The following RPGRIP1L variants were observed in gnomAD, a reference collection of about 807,000 sequenced individuals.
RPGRIP1L encodes protein fantom.
Under a neutral mutation model 160.4 loss-of-function variants are expected in RPGRIP1L, and 131 were observed. The observed-to-expected ratio is 0.82, with a 90% CI of 0.71 to 0.94. The LOEUF (loss-of-function observed/expected upper bound fraction) is 0.94, where lower values mean the gene tolerates loss of function less well. RPGRIP1L is among the 40% of genes least tolerant of loss of function. The probability of loss-of-function intolerance (pLI) is 0.00; values close to 1 mark genes in which losing one functional copy is unlikely to be tolerated. For missense variants in RPGRIP1L, 1,522 were observed against 1,535.8 expected, an observed-to-expected ratio of 0.99 and a Z score of 0.15; for synonymous variants, 510 against 515.8, an observed-to-expected ratio of 0.99 and a Z score of 0.15.
chr16:53,642,843 T>C (rs1437785368), intron 17 of RPGRIP1L, among the ~76,000 whole-genome samples: 1 of 152,290 alleles, frequency 6.6e-6, no homozygotes, highest in African/African-American at 2.4e-5. Flanking sequence ...GATAATTTCA[T>C]GCCCAGAGGC....
chr16:53,701,677 G>A (rs900033468), intron 1 of RPGRIP1L: 1 of 151,836 alleles, frequency 6.6e-6, no homozygotes, highest in African/African-American at 2.4e-5. Context: ...AAGCTTCATT[G>A]TCTTGTTCAG....
At chr16:53,701,199 A>G (rs115229888) in intron 1 of RPGRIP1L, among the ~76,000 whole-genome samples, 1,672 of 152,306 alleles carry the variant, frequency 0.011, 28 homozygotes, top group African/African-American at 0.037. Flanking sequence ...GGATGAGTAA[A>G]TTAAAAGCAC....
At chr16:53,610,758 A>T (rs569922784) in intron 25 of RPGRIP1L, among the ~76,000 whole-genome samples, 5 of 152,328 alleles carry the variant, frequency 3.3e-5, no homozygotes, top group South Asian at 2.1e-4. Flanking sequence ...CTATAGGATC[A>T]TTACAATTAC....
chr16:53,611,832 A>G (rs149965511), intron 24 of RPGRIP1L, among the ~76,000 whole-genome samples: 4 of 152,346 alleles, frequency 2.6e-5, no homozygotes, highest in African/African-American at 9.6e-5. Flanking sequence ...ACTTTCAGCC[A>G]TGCATCAGCT....
intron 4 of RPGRIP1L, among the ~76,000 whole-genome samples, chr16:53,689,206 T>C (rs1040596559): frequency 6.6e-6 from 1 of 152,058 alleles, no homozygotes; most frequent in African/African-American, 2.4e-5. Flanking sequence ...TCAGGGTATT[T>C]AGGATATCCA....
rs1970020650 is a variant in RPGRIP1L at position 53,686,462 on chromosome 16, C to G, written c.747G>C (p.Gln249His). The G allele has an allele frequency of 1.2e-6, 2 of 1,613,404 alleles. No individual in the cohort carries two copies. Among genetic ancestry groups the G allele is most frequent in the African/African-American group, 1.3e-5 (1 of 74,874 alleles). The change falls in exon 6 of 27, where the codon CAG becomes CAC. Residue 249 changes from glutamine (Q) to histidine (H), a missense_variant. Transcript: ENST00000647211. Reference sequence around the variant, plus strand: ...GATCTGTAGCTTGCTGTTCTCGAAGCTGAAGAAGAGATAACTCAATTTCAT... The same window carrying G: ...GATCTGTAGCTTGCTGTTCTCGAAGGTGAAGAAGAGATAACTCAATTTCAT... ...KENEIELSLL[Q>H]LREQQATDQR...
At chr16:53,626,066 T>C (rs895580238) in intron 22 of RPGRIP1L, among the ~76,000 whole-genome samples, 3 of 149,124 alleles carry the variant, frequency 2.0e-5, no homozygotes, top group African/African-American at 7.5e-5. Flanking sequence ...GTTTATCTGC[T>C]GACCTTCTCT....
chr16:53,624,767 C>T (rs1198183840), intron 22 of RPGRIP1L, among the ~76,000 whole-genome samples: 1 of 143,112 alleles, frequency 7.0e-6, no homozygotes, highest in Non-Finnish European at 1.5e-5. Flanking sequence ...CCCTCCCCCT[C>T]CCCCTCCCCC....
chr16:53,703,701 C>T, intron 1 of RPGRIP1L, 102 bp downstream of exon 1: 1 of 246,546 alleles, frequency 4.1e-6, no homozygotes, highest in Non-Finnish European at 8.2e-6. Flanking sequence ...AGGGCCTTCT[C>T]CAGGCGGCAG....
Position 53,610,868 on chromosome 16 carries a change from G to A in RPGRIP1L, c.3701+99C>T, listed in dbSNP as rs1246833036. Reference sequence around the variant, plus strand: ...ACAGAGTGAGTCAGAGAACCCCGATGTTCGGCTTCCTCATCTTGTGCCTTT... The same window carrying A: ...ACAGAGTGAGTCAGAGAACCCCGATATTCGGCTTCCTCATCTTGTGCCTTT... On this transcript the variant is annotated intron_variant, in intron 25 of 26. Transcript: ENST00000647211. The A allele has an allele frequency of 3.1e-6, 3 of 967,404 alleles. No homozygotes were observed. The African/African-American group carries it at 4.8e-5, about 15-fold the overall frequency. 59.9% of individuals were successfully genotyped at this position (967,404 alleles called of 1,614,324 possible).
rs1282363642 is a variant in RPGRIP1L at position 53,638,356 on chromosome 16, A to G, written c.3014T>C (p.Ile1005Thr). 6.2e-7 allele frequency: 1 copy of G among 1,600,356 alleles called. No individual in the cohort carries two copies. The highest frequency in any genetic ancestry group is 1.7e-5 in the Admixed American group (1 of 59,924). ...RKEISPEVEH[I>T]PEIEINMLTV... ...CAGCATATTAATTTCTATTTCTGGTATATGCTCTACCTCTGGTGAAATTTC... is the reference window on the plus strand; with the variant it reads ...CAGCATATTAATTTCTATTTCTGGTGTATGCTCTACCTCTGGTGAAATTTC... Residue 1005 changes from isoleucine to threonine, a missense_variant, in exon 20 of 27, where the codon ATA becomes ACA. Ile to Thr is a moderately conservative substitution (Grantham distance 89). Coordinates refer to ENST00000647211, the MANE Select transcript of RPGRIP1L (RefSeq NM_015272.5).
chr16:53,671,922 T>C (rs889042818), intron 8 of RPGRIP1L, among the ~76,000 whole-genome samples: 1 of 152,162 alleles, frequency 6.6e-6, no homozygotes, highest in Non-Finnish European at 1.5e-5. Flanking sequence ...CCATGATAAC[T>C]TCTGTCATTA....
At chr16:53,640,973 T>C (rs1966176852) in intron 19 of RPGRIP1L, 60 bp downstream of exon 19, 1 of 1,177,746 alleles carries the variant, frequency 8.5e-7, no homozygotes, top group East Asian at 2.5e-5. Context: ...AATATGCCTA[T>C]ATAATTTATT....
intron 22 of RPGRIP1L, among the ~76,000 whole-genome samples, chr16:53,623,765 A>C (rs1964893326): frequency 6.6e-6 from 1 of 151,956 alleles, no homozygotes; most frequent in Non-Finnish European, 1.5e-5. Context: ...CTGTCTATAG[A>C]CTCTGGGCTT....
intron 6 of RPGRIP1L, among the ~76,000 whole-genome samples, chr16:53,676,961 A>C (rs10852520): frequency 0.21 from 32,576 of 152,098 alleles, 4,860 homozygotes; most frequent in East Asian, 0.44. Context: ...TAAGAAAATT[A>C]AGATATATTT....
chr16:53,602,057 G>T lies in RPGRIP1L; in HGVS notation c.*19C>A. On this transcript the variant is annotated 3_prime_UTR_variant, in exon 27 of 27. Transcript: ENST00000647211. ...GAGCATTTACTGAGGAGTAGGAGAT[G>T]CCTCTGGAGCATTTGCTTTCAAGCC... 2 of 1,404,804 alleles carry T rather than the reference G, an allele frequency of 1.4e-6. No individual in the cohort carries two copies. The highest frequency in any genetic ancestry group is 2.0e-6 in the Non-Finnish European group (2 of 991,300). 87.0% of individuals were successfully genotyped at this position (1,404,804 alleles called of 1,614,324 possible).
At chr16:53,701,813 C>T (rs1330062597) in intron 1 of RPGRIP1L, 1 of 151,772 alleles carries the variant, frequency 6.6e-6, no homozygotes, top group Non-Finnish European at 1.5e-5. Flanking sequence ...AGATGGTTTA[C>T]CAAATTTTGT....
Position 53,692,134 on chromosome 16 carries a change from T to A in RPGRIP1L, c.461A>T (p.Gln154Leu), listed in dbSNP as rs1252193112. 4 of 1,614,164 alleles carry A rather than the reference T, an allele frequency of 2.5e-6. No individual in the cohort carries two copies. Among genetic ancestry groups the A allele is most frequent in the Non-Finnish European group, 3.4e-6 (4 of 1,180,026 alleles). The change falls in exon 4 of 27, where the codon CAA (glutamine) becomes CTA (leucine). Residue 154 changes from glutamine to leucine, a missense_variant. Physicochemically the swap from Gln to Leu is moderately radical, Grantham distance 113 (BLOSUM62 -2). Transcript: ENST00000647211. Reference sequence around the variant, plus strand: ...TCTACGCCCAGTGTTAATACGAGATTGTACATTATTGTATGGAGTTTGCCT... The same window carrying A: ...TCTACGCCCAGTGTTAATACGAGATAGTACATTATTGTATGGAGTTTGCCT... Reference protein sequence around the residue: ...GYRQTPYNNVQSRINTGRRKA... With the variant: ...GYRQTPYNNVLSRINTGRRKA...
At chr16:53,695,669 T>C (rs1165364599) in intron 3 of RPGRIP1L, 6 of 523,000 alleles carry the variant, frequency 1.1e-5, no homozygotes, top group South Asian at 2.6e-5. Context: ...AGAGACTCTT[T>C]GAAATCAATA....
Sources: allele counts gnomAD v4.1 joint callset (sites outside exome capture counted in the v4.1 genomes callset), GRCh38; gene constraint gnomAD v4.1.1; transcripts MANE v1.5; gene names NCBI Gene and HGNC (gene_info 2026-07-23, HGNC 2026-07-21).